Variants in SMARCA4 observed in about 807,000 individuals in gnomAD.
The protein encoded by SMARCA4 is SWI/SNF related BAF chromatin remodeling complex subunit ATPase 4.
Under a neutral mutation model 193.9 loss-of-function variants are expected in SMARCA4, and 31 were observed. That is an observed-to-expected ratio of 0.16 (90% CI 0.12 to 0.22). The LOEUF is 0.22. SMARCA4 is among the 10% of genes least tolerant of loss of function. SMARCA4 has a pLI of 1.00. For synonymous variants in SMARCA4, 942 were observed against 933.1 expected (o/e 1.01, Z -0.17); for missense variants, 1,148 against 2,296.0 (o/e 0.50, Z 10.22).
rs2146594305 is a variant in SMARCA4 at position 11,030,659 on chromosome 19, G to T, written c.3383-71G>T. 7.2e-7 allele frequency: 1 copy of T among 1,397,582 alleles called. No homozygotes were observed. The allele number at this position is 1,397,582 out of a possible 1,614,324, so 86.6% of individuals were successfully genotyped here. A position where few individuals can be genotyped will look rare whatever the true frequency, so the allele number is the denominator to read the frequency against. On this transcript the variant is annotated intron_variant, in intron 24 of 34. Coordinates refer to ENST00000344626, the MANE Select transcript of SMARCA4 (RefSeq NM_003072.5). This position sits in a 1 kb window ranked among gnomAD's most constrained non-coding sequence, Gnocchi z 5.5. ...GATCCTGCTCCTGCTCTCAGAAGCAGGTGTTCCTTGGTGTCCCCACTCTAC... is the reference window on the plus strand; with the variant it reads ...GATCCTGCTCCTGCTCTCAGAAGCATGTGTTCCTTGGTGTCCCCACTCTAC...
chr19:11,058,951 G>GCC lies in SMARCA4; in HGVS notation c.4635+65_4635+66dup, dbSNP rs1032922935. ...CCACAGCTGGGCTTTGACCCAACCCGCCCCTCCTTCCCTTCTGAATTGATG... is the reference window on the plus strand; with the variant it reads ...CCACAGCTGGGCTTTGACCCAACCCGCCCCCCTCCTTCCCTTCTGAATTGATG... On this transcript the variant is annotated intron_variant, in intron 32 of 34. Coordinates refer to ENST00000344626, the MANE Select transcript of SMARCA4 (RefSeq NM_003072.5). This position sits in a 1 kb window ranked among gnomAD's most constrained non-coding sequence, Gnocchi z 5.8. The GCC allele has an allele frequency of 7.7e-7, 1 of 1,291,600 alleles. No homozygotes were observed. Among genetic ancestry groups the GCC allele is most frequent in the African/African-American group, 1.5e-5 (1 of 68,442 alleles). 80.0% of individuals were successfully genotyped at this position (1,291,600 alleles called of 1,614,324 possible).
chr19:11,014,576 T>C (rs1449565215), intron 16 of SMARCA4, among the ~76,000 whole-genome samples: 3 of 152,180 alleles, frequency 2.0e-5, no homozygotes, highest in African/African-American at 7.2e-5. Context: ...CTTCCGGCTC[T>C]GCCCACCTCC....
At chr19:10,988,192 T>C (rs1309147664) in intron 6 of SMARCA4, among the ~76,000 whole-genome samples, 1 of 151,908 alleles carries the variant, frequency 6.6e-6, no homozygotes, top group Non-Finnish European at 1.5e-5. Flanking sequence ...ACAATCTCGG[T>C]TCACTGCAAC....
intron 19 of SMARCA4, among the ~76,000 whole-genome samples, chr19:11,022,743 C>T (rs557165798): frequency 9.2e-5 from 14 of 152,292 alleles, no homozygotes; most frequent in African/African-American, 2.6e-4. Flanking sequence ...CCTGCCCTCT[C>T]GGCTGCTGGT....
At chr19:10,989,197 C>A in intron 6 of SMARCA4, 120 bp from the exon 7 acceptor site, 1 of 1,244,198 alleles carries the variant, frequency 8.0e-7, no homozygotes, top group Non-Finnish European at 1.2e-6. Flanking sequence ...TCTTCTGAGG[C>A]ATCTCTTGCC....
At chr19:10,998,394 C>A (rs939883294) in intron 11 of SMARCA4, among the ~76,000 whole-genome samples, 1 of 152,116 alleles carries the variant, frequency 6.6e-6, no homozygotes, top group Non-Finnish European at 1.5e-5. Flanking sequence ...TCTCCACTGT[C>A]CAGTTACTGT....
At chr19:11,026,060 G>A (rs573366574) in intron 22 of SMARCA4, among the ~76,000 whole-genome samples, 4 of 152,360 alleles carry the variant, frequency 2.6e-5, no homozygotes, top group African/African-American at 9.6e-5. Flanking sequence ...TGCATTCAGG[G>A]TGTGAAGAGT....
At chr19:10,973,279 A>G (rs2084825541) in intron 1 of SMARCA4, among the ~76,000 whole-genome samples, 1 of 152,180 alleles carries the variant, frequency 6.6e-6, no homozygotes, top group South Asian at 2.1e-4. Flanking sequence ...ATTGATAGCT[A>G]GGATAGCATT....
rs758043876 is a variant in SMARCA4 at position 11,058,381 on chromosome 19, CCT to C, written c.4533+19_4533+20del. On this transcript the variant is annotated intron_variant, in intron 31 of 34. Coordinates refer to ENST00000344626, the MANE Select transcript of SMARCA4 (RefSeq NM_003072.5). This position sits in a 1 kb window ranked among gnomAD's most constrained non-coding sequence, Gnocchi z 5.8. ...AGATAAAGGTAACCCTGACGTTGTA[CCT>C]GCGCCCCGCATGTGCCCGGAGGGGA... is the stretch of plus-strand genomic sequence containing the variant. The C allele has an allele frequency of 1.2e-5, 19 of 1,539,682 alleles. No homozygotes were observed. In the Middle Eastern group the frequency reaches 6.8e-4, roughly 55 times the overall value.
At chr19:10,995,479 GA>G (rs1568441994) in intron 9 of SMARCA4, 1 of 457,204 alleles carries the variant, frequency 2.2e-6, no homozygotes, top group East Asian at 6.9e-5. Flanking sequence ...GAAGCAAACA[GA>G]GTAGTGGATG....
At chr19:11,026,462 A>G in intron 23 of SMARCA4, 116 bp downstream of exon 23, 1 of 781,310 alleles carries the variant, frequency 1.3e-6, no homozygotes, top group Non-Finnish European at 2.3e-6. Context: ...AGAAAATTAG[A>G]AAATACAGAA....
intron 1 of SMARCA4, among the ~76,000 whole-genome samples, chr19:10,979,750 A>G (rs2085417425): frequency 1.3e-5 from 2 of 151,770 alleles, no homozygotes; most frequent in South Asian, 4.1e-4. Context: ...GACGTGACCC[A>G]CCACACCCGT....
In SMARCA4 at chr19:10,985,212, A is replaced by G. The variant is rs866561294; in HGVS notation, c.223-61A>G. On this transcript the variant is annotated intron_variant, in intron 2 of 34. Transcript: ENST00000344626. This position sits in a 1 kb window ranked among gnomAD's most constrained non-coding sequence, Gnocchi z 4.5. ...CTCGAGCTTCTCTCGGGCAGCGCAT[A>G]GCTGCGCTGCCACCTCACGTTCCAC... 12 of 1,577,972 alleles carry G rather than the reference A, an allele frequency of 7.6e-6. No homozygotes were observed. The highest frequency in any genetic ancestry group is 1.7e-4 in the Middle Eastern group (1 of 5,960).
At chr19:11,049,213 T>C (rs55948246) in intron 30 of SMARCA4, among the ~76,000 whole-genome samples, 27,462 of 152,094 alleles carry the variant, frequency 0.18, 3,107 homozygotes, top group South Asian at 0.28. Flanking sequence ...GGCTAGGGGC[T>C]TGAGTGGGGC....
At position 11,004,253 on chromosome 19, in the gene SMARCA4, A is replaced by AT. The variant is rs34759650; in HGVS notation, c.2001+870dup. ...TCTGGTCTTGAACTCTTGACTGGTG[A>AT]TTTTTTTTTTTTTTGAGACAGAGTC... is the stretch of plus-strand genomic sequence containing the variant. On this transcript the variant is annotated intron_variant, in intron 13 of 34. Transcript: ENST00000344626. Among the ~76,000 whole-genome samples, 229 of 133,112 alleles carry AT rather than the reference A, an allele frequency of 1.7e-3. 2 individuals are homozygous for AT. The highest frequency in any genetic ancestry group is 6.5e-3 in the East Asian group (29 of 4,464). The allele number at this position is 133,112 out of a possible 152,430, so 87.3% of individuals were successfully genotyped here. A position where few individuals can be genotyped will look rare whatever the true frequency, so the allele number is the denominator to read the frequency against.
At position 11,033,151 on chromosome 19, in the gene SMARCA4, C is replaced by G. The variant is rs1013070906; in HGVS notation, c.3547-139C>G. ...AGGCTCCACCAGCTCTGTTTTCATG[C>G]GGCGGCAGGTCAGGCTGGGCAGAAT... On this transcript the variant is annotated intron_variant, in intron 25 of 34. Transcript: ENST00000344626. The surrounding 1 kb of genome is among the most constrained non-coding windows in gnomAD (Gnocchi z 9.8). 2.1e-5 allele frequency: 15 copies of G among 718,938 alleles called. No individual in the cohort carries two copies. Among genetic ancestry groups the G allele is most frequent in the Non-Finnish European group, 3.8e-5 (15 of 398,888 alleles). 44.5% of individuals were successfully genotyped at this position (718,938 alleles called of 1,614,324 possible).
At chr19:11,022,764 ACTCTT>A (rs2089970473) in intron 19 of SMARCA4, among the ~76,000 whole-genome samples, 1 of 151,620 alleles carries the variant, frequency 6.6e-6, no homozygotes, top group South Asian at 2.1e-4. Context: ...CAAGGCAGAG[ACTCTT>A]CTGATGGCGA....
chr19:11,009,019 T>TTC lies in SMARCA4; in HGVS notation c.2123+997_2123+998insCT, dbSNP rs1166119563. 9.0e-4 allele frequency among the ~76,000 whole-genome samples: 100 copies of TTC among 111,346 alleles called. 1 individual carries two copies. Among genetic ancestry groups the TTC allele is most frequent in the African/African-American group, 2.8e-3 (75 of 27,000 alleles). The allele number at this position is 111,346 out of a possible 152,430, so 73.0% of individuals were successfully genotyped here. A position where few individuals can be genotyped will look rare whatever the true frequency, so the allele number is the denominator to read the frequency against. ...TGGATAAAAGTCACTTTTTTTTTTT[T>TTC]TTTTTTTTTTTTTTTTTTTTTTGAG... On this transcript the variant is annotated intron_variant, in intron 14 of 34. Coordinates refer to ENST00000344626, the MANE Select transcript of SMARCA4 (RefSeq NM_003072.5).
intron 30 of SMARCA4, among the ~76,000 whole-genome samples, chr19:11,049,004 CAG>C (rs1171452221): frequency 2.0e-5 from 3 of 152,154 alleles, no homozygotes; most frequent in Non-Finnish European, 2.9e-5. Flanking sequence ...CCCTCCTGCT[CAG>C]GGGCCACAGT....
Sources: gnomAD v4.1 joint callset for allele counts (sites outside exome capture counted in the v4.1 genomes callset) on GRCh38, gnomAD v4.1.1 for gene constraint, Gnocchi (gnomAD v3.1) non-coding constraint, MANE v1.5 for transcripts, NCBI Gene and HGNC (gene_info 2026-07-23, HGNC 2026-07-21) for gene names.